GADL1: variants seen among roughly 807,000 people sequenced by gnomAD.
GADL1 encodes GAD like acidic amino acid decarboxylase 1.
GADL1 carries 71 observed loss-of-function variants against 69.5 expected under a neutral mutation model. The ratio of observed to expected loss-of-function variants is 1.02; its 90% CI spans 0.84 to 1.25. The LOEUF is 1.25. GADL1 is among the 50% of genes most tolerant of loss of function. The pLI, the probability that GADL1 is intolerant of heterozygous loss-of-function variation, is 0.00. For synonymous variants in GADL1, 254 were observed against 214.4 expected (o/e 1.18, Z -1.62); for missense variants, 737 against 631.8 (o/e 1.17, Z -1.79).
At chr3:30,763,516 G>A (rs1198123235) in intron 14 of GADL1, among the ~76,000 whole-genome samples, 1 of 123,888 alleles carries the variant, frequency 8.1e-6, no homozygotes. Context: ...GCGGGGGGTG[G>A]GGGTGGGGGG....
At chr3:30,771,802 AATTT>A (rs1220224221) in intron 14 of GADL1, among the ~76,000 whole-genome samples, 2 of 152,138 alleles carry the variant, frequency 1.3e-5, no homozygotes, top group Non-Finnish European at 2.9e-5. Context: ...GCTTTCAATT[AATTT>A]GTGAACATGT....
At chr3:30,848,669 C>A (rs1321494739) in intron 6 of GADL1, among the ~76,000 whole-genome samples, 1 of 152,158 alleles carries the variant, frequency 6.6e-6, no homozygotes, top group African/African-American at 2.4e-5. Flanking sequence ...GGGAAAAAAT[C>A]TCTTCCAATA....
At chr3:30,861,950 T>C (rs1382752689) in intron 1 of GADL1, among the ~76,000 whole-genome samples, 185 bp from the exon 2 acceptor site, 1 of 151,824 alleles carries the variant, frequency 6.6e-6, no homozygotes, top group Non-Finnish European at 1.5e-5. Context: ...TAAGGAAAAT[T>C]TTACAAAGAA....
chr3:30,734,527 T>C (rs1201085667), intron 14 of GADL1, among the ~76,000 whole-genome samples: 1 of 152,206 alleles, frequency 6.6e-6, no homozygotes, highest in East Asian at 1.9e-4. Flanking sequence ...AGGTTGTTAC[T>C]AAATGAACAG....
Position 30,778,280 on chromosome 3 carries a change from A to C in GADL1, c.1303-12T>G, listed in dbSNP as rs777831278. 10 of 1,511,296 alleles carry C rather than the reference A, an allele frequency of 6.6e-6. No homozygotes were observed. The highest frequency in any genetic ancestry group is 9.2e-6 in the Non-Finnish European group (10 of 1,090,462). The allele number at this position is 1,511,296 out of a possible 1,614,324, so 93.6% of individuals were successfully genotyped here. On this transcript the variant is annotated splice_polypyrimidine_tract_variant and intron_variant, in intron 13 of 14. Transcript: ENST00000282538. ...TTGGCATATTCAGGCTGAGAATTAGAAAAAATATAAAGTTGTTATCTTAAG... is the reference window on the plus strand; with the variant it reads ...TTGGCATATTCAGGCTGAGAATTAGCAAAAATATAAAGTTGTTATCTTAAG...
At chr3:30,764,434 A>G (rs781704115) in intron 14 of GADL1, among the ~76,000 whole-genome samples, 10 of 152,186 alleles carry the variant, frequency 6.6e-5, no homozygotes, top group African/African-American at 1.2e-4. Flanking sequence ...AGTGCATTAT[A>G]AACTGAATCA....
chr3:30,752,484 T>G (rs556167511), intron 14 of GADL1, among the ~76,000 whole-genome samples: 1 of 152,300 alleles, frequency 6.6e-6, no homozygotes, highest in South Asian at 2.1e-4. Context: ...CTAGTTACTA[T>G]AAATTTGGGA....
At chr3:30,829,329 T>C (rs1379476612) in intron 11 of GADL1, among the ~76,000 whole-genome samples, 1 of 151,834 alleles carries the variant, frequency 6.6e-6, no homozygotes, top group African/African-American at 2.4e-5. Flanking sequence ...ACACAGGAAA[T>C]TAAAAATGCA....
intron 14 of GADL1, among the ~76,000 whole-genome samples, chr3:30,740,287 C>CT (rs1046779798): frequency 1.3e-5 from 2 of 152,046 alleles, no homozygotes; most frequent in Non-Finnish European, 2.9e-5. Context: ...TATTCAAGAT[C>CT]TTTTTTTGGG....
chr3:30,767,373 G>A (rs558050595), intron 14 of GADL1, among the ~76,000 whole-genome samples: 31 of 151,822 alleles, frequency 2.0e-4, no homozygotes, highest in Admixed American at 3.9e-4. Flanking sequence ...AGAACCTATC[G>A]TAAAGGAAAG....
At chr3:30,783,329 C>T (rs1014226992) in intron 13 of GADL1, among the ~76,000 whole-genome samples, 2 of 152,134 alleles carry the variant, frequency 1.3e-5, no homozygotes, top group Non-Finnish European at 2.9e-5. Flanking sequence ...TTAGATCCAA[C>T]ACAGAAAAAT....
intron 11 of GADL1, among the ~76,000 whole-genome samples, chr3:30,811,520 CAG>C (rs1697355387): frequency 6.6e-6 from 1 of 152,138 alleles, no homozygotes; most frequent in South Asian, 2.1e-4. Flanking sequence ...TAATCTAAAA[CAG>C]TGTTTTTCAA....
intron 1 of GADL1, among the ~76,000 whole-genome samples, chr3:30,893,841 T>C (rs184085027): frequency 2.0e-5 from 3 of 152,314 alleles, no homozygotes; most frequent in East Asian, 1.9e-4. Context: ...GCTTCAACTT[T>C]GAGACTTCAT....
intron 1 of GADL1, among the ~76,000 whole-genome samples, chr3:30,871,079 G>GTC (rs1553603744): frequency 2.7e-5 from 4 of 149,572 alleles, no homozygotes; most frequent in African/African-American, 9.9e-5. Context: ...GTGTGTGTGT[G>GTC]TCCAAGAAAC....
intron 11 of GADL1, among the ~76,000 whole-genome samples, chr3:30,826,692 A>G (rs1697686722): frequency 6.6e-6 from 1 of 151,914 alleles, no homozygotes; most frequent in African/African-American, 2.4e-5. Context: ...TCTGTTCATT[A>G]GAAGGGGTCA....
At chr3:30,807,028 C>T (rs115658907) in intron 11 of GADL1, among the ~76,000 whole-genome samples, 1,650 of 152,302 alleles carry the variant, frequency 0.011, 33 homozygotes, top group African/African-American at 0.037. Flanking sequence ...TGTCACTTAA[C>T]ATCTTGGGCT....
chr3:30,845,617 A>C (rs938259060), intron 6 of GADL1, among the ~76,000 whole-genome samples: 1 of 152,082 alleles, frequency 6.6e-6, no homozygotes, highest in Admixed American at 6.6e-5. Flanking sequence ...ATTAATTTCC[A>C]AATATCAAAT....
intron 1 of GADL1, among the ~76,000 whole-genome samples, chr3:30,864,334 G>C (rs983309375): frequency 2.6e-5 from 4 of 151,346 alleles, no homozygotes; most frequent in Non-Finnish European, 5.9e-5. Flanking sequence ...TGCTCATTAT[G>C]TTTCTCTTTC....
intron 3 of GADL1, among the ~76,000 whole-genome samples, chr3:30,856,289 A>T (rs933629130): frequency 6.6e-5 from 10 of 152,070 alleles, no homozygotes; most frequent in African/African-American, 2.4e-4. Flanking sequence ...TTACACTGAC[A>T]AATATTTTGG....
Sources: allele counts gnomAD v4.1 joint callset (sites outside exome capture counted in the v4.1 genomes callset), GRCh38; gene constraint gnomAD v4.1.1; transcripts MANE v1.5; gene names NCBI Gene and HGNC (gene_info 2026-07-23, HGNC 2026-07-21).